PDE5A: variants seen among roughly 807,000 people sequenced by gnomAD.
PDE5A encodes cGMP-specific 3',5'-cyclic phosphodiesterase.
PDE5A carries 67 observed loss-of-function variants against 110.2 expected under a neutral mutation model. The ratio of observed to expected loss-of-function variants is 0.61; its 90% CI spans 0.50 to 0.75. The LOEUF is 0.75. Among genes scored for constraint, PDE5A ranks in the 30% least tolerant of loss-of-function variants. The probability of loss-of-function intolerance (pLI) is 0.00; values close to 1 mark genes in which losing one functional copy is unlikely to be tolerated. For synonymous variants in PDE5A, 328 were observed against 351.2 expected (o/e 0.93, Z 0.74); for missense variants, 862 against 1,045.1 (o/e 0.82, Z 2.42).
intron 1 of PDE5A, among the ~76,000 whole-genome samples, chr4:119,615,493 A>G (rs763825751): frequency 3.7e-4 from 57 of 152,082 alleles, no homozygotes; most frequent in Non-Finnish European, 6.2e-4. Context: ...ATACAAGCCC[A>G]CAGGTTGAGG....
intron 5 of PDE5A, among the ~76,000 whole-genome samples, chr4:119,564,324 T>C (rs1168659560): frequency 6.6e-6 from 1 of 152,130 alleles, no homozygotes; most frequent in Non-Finnish European, 1.5e-5. Context: ...ACAATACATA[T>C]TTTCATACAT....
intron 4 of PDE5A, among the ~76,000 whole-genome samples, chr4:119,565,697 T>C (rs1484269052): frequency 6.6e-6 from 1 of 152,020 alleles, no homozygotes; most frequent in African/African-American, 2.4e-5. Flanking sequence ...CAAAATTTGG[T>C]TTAGCCTCTC....
chr4:119,585,490 G>T (rs1401806995), intron 3 of PDE5A, among the ~76,000 whole-genome samples: 1 of 151,898 alleles, frequency 6.6e-6, no homozygotes, highest in Non-Finnish European at 1.5e-5. Flanking sequence ...ACATTTTTTA[G>T]TACATGAAAG....
rs1322176519 is a variant in PDE5A at position 119,628,705 on chromosome 4, A to G, written c.-34T>C. 1.9e-6 allele frequency: 3 copies of G among 1,605,730 alleles called. No homozygotes were observed. In the African/African-American group the frequency reaches 4.0e-5, roughly 21 times the overall value. The stretch of plus-strand genomic sequence containing the variant: ...CCGCGCGCCTCGGAGGCTCTCTGGT[A>G]CTGCTTTTCCACCCCAGCTGGGGTC... On this transcript the variant is annotated 5_prime_UTR_variant, in exon 1 of 21. Coordinates refer to ENST00000354960, the MANE Select transcript of PDE5A (RefSeq NM_001083.4).
chr4:119,513,747 GGGCT>G (rs1296524709), intron 14 of PDE5A, among the ~76,000 whole-genome samples: 1 of 152,128 alleles, frequency 6.6e-6, no homozygotes, highest in Non-Finnish European at 1.5e-5. Context: ...ACCCACTTAG[GGGCT>G]GGACTACGAA....
In PDE5A at chr4:119,599,898, C is replaced by G. The variant is rs553674110; in HGVS notation, c.742-3286G>C. Among the ~76,000 whole-genome samples the G allele has an allele frequency of 3.6e-3, 542 of 152,000 alleles. 4 individuals are homozygous for G. The highest frequency in any genetic ancestry group is 5.9e-3 in the Non-Finnish European group (398 of 67,924). ...TGAAACATATAAGTTGAAAATGATA[C>G]AAAGGATGGCTGACCTCTCCCAAGA... On this transcript the variant is annotated intron_variant, in intron 2 of 20. Transcript: ENST00000354960.
intron 13 of PDE5A, 121 bp downstream of exon 13, chr4:119,520,814 A>G (rs1726100342): frequency 1.2e-6 from 1 of 800,266 alleles, no homozygotes; most frequent in African/African-American, 1.8e-5. Flanking sequence ...TTATTATGTA[A>G]GTGGCAGCAA....
At position 119,504,548 on chromosome 4, in the gene PDE5A, A is replaced by T. The variant is rs201670596; in HGVS notation, c.2319T>A (p.Pro773=). The T allele has an allele frequency of 1.2e-6, 2 of 1,611,546 alleles. No homozygotes were observed. The highest frequency in any genetic ancestry group is 1.3e-5 in the African/African-American group (1 of 74,924). Residue 773 remains proline (P), a synonymous_variant, in exon 18 of 21, where the codon CCT becomes CCA. Transcript: ENST00000354960. ...CTAAGTAACATACCCGTTGTTGAAT[A>T]GGCCAGGGTTTTGTAATTGCAGAAA... is the stretch of plus-strand genomic sequence containing the variant. ...CDLSAITKPW[P]IQQRIAELVA...
chr4:119,521,077 A>G lies in PDE5A; in HGVS notation c.1780-17T>C. On this transcript the variant is annotated splice_polypyrimidine_tract_variant and intron_variant, in intron 12 of 20. Coordinates refer to ENST00000354960, the MANE Select transcript of PDE5A (RefSeq NM_001083.4). Reference sequence around the variant, plus strand: ...GCAAAGAACCTTTAGGGAATAAAACATAAGTAGTAACAATAATTGCCAACA... The same window carrying G: ...GCAAAGAACCTTTAGGGAATAAAACGTAAGTAGTAACAATAATTGCCAACA... The G allele has an allele frequency of 3.1e-6, 5 of 1,607,662 alleles. No homozygotes were observed. The highest frequency in any genetic ancestry group is 4.3e-6 in the Non-Finnish European group (5 of 1,176,018).
chr4:119,536,545 G>C (rs146269989), intron 11 of PDE5A, among the ~76,000 whole-genome samples: 1 of 152,104 alleles, frequency 6.6e-6, no homozygotes, highest in African/African-American at 2.4e-5. Context: ...TTCAAATACT[G>C]TCATCAACAT....
chr4:119,599,741 A>ACACG (rs1259062447), intron 2 of PDE5A, among the ~76,000 whole-genome samples: 1 of 151,710 alleles, frequency 6.6e-6, no homozygotes, highest in African/African-American at 2.4e-5. Flanking sequence ...ACACACACAC[A>ACACG]CACACACATA....
intron 2 of PDE5A, among the ~76,000 whole-genome samples, chr4:119,597,029 T>TA (rs984234026): frequency 6.6e-6 from 1 of 152,160 alleles, no homozygotes; most frequent in African/African-American, 2.4e-5. Flanking sequence ...AGGGCTCTTT[T>TA]ACAGTTCTTC....
At position 119,615,460 on chromosome 4, in the gene PDE5A, G is replaced by C. The variant is rs1729903886; in HGVS notation, c.153-8163C>G. ...GCCAAGAGAATCAGAAAAAGGATGA[G>C]AGTAAAAAGGTTGTTTTTGGTGATA... On this transcript the variant is annotated intron_variant, in intron 1 of 20. Coordinates refer to ENST00000354960, the MANE Select transcript of PDE5A (RefSeq NM_001083.4). Among the ~76,000 whole-genome samples the C allele has an allele frequency of 8.5e-5, 13 of 152,110 alleles. No homozygotes were observed. In the South Asian group the frequency reaches 2.5e-3, roughly 29 times the overall value.
rs566524291 is a variant in PDE5A, at chr4:119,627,845, G to A, written c.152+675C>T. On this transcript the variant is annotated intron_variant, in intron 1 of 20. Coordinates refer to ENST00000354960, the MANE Select transcript of PDE5A (RefSeq NM_001083.4). This position sits in a 1 kb window ranked among gnomAD's most constrained non-coding sequence, Gnocchi z 4.6. The stretch of plus-strand genomic sequence containing the variant: ...CTGCCCCTTGGGGTCCGCTCCAGGC[G>A]GCGCCTCCCCTGCGCCCTTTGTGTG... The A allele has an allele frequency of 1.5e-3, 253 of 166,616 alleles. No homozygotes were observed. The highest frequency in any genetic ancestry group is 5.9e-3 in the African/African-American group (246 of 41,838). 10.3% of individuals were successfully genotyped at this position (166,616 alleles called of 1,614,324 possible).
chr4:119,551,282 C>A (rs779688065), intron 9 of PDE5A, among the ~76,000 whole-genome samples: 3 of 152,154 alleles, frequency 2.0e-5, no homozygotes, highest in Non-Finnish European at 4.4e-5. Context: ...CCAGTTCATA[C>A]AATAAGAAAC....
chr4:119,507,858 A>G (rs937079134), intron 15 of PDE5A, among the ~76,000 whole-genome samples, 154 bp from the exon 16 acceptor site: 14 of 151,896 alleles, frequency 9.2e-5, no homozygotes, highest in Non-Finnish European at 2.1e-4. Flanking sequence ...TTTCCCCTCT[A>G]TGTTCCCACC....
In PDE5A at chr4:119,606,685, C is replaced by T. The variant is rs553265532; in HGVS notation, c.741+24G>A. 25 of 1,575,500 alleles carry T rather than the reference C, an allele frequency of 1.6e-5. No homozygotes were observed. In the South Asian group the frequency reaches 2.5e-4, roughly 16 times the overall value. On this transcript the variant is annotated intron_variant, in intron 2 of 20. Transcript: ENST00000354960. ...CATAGTCCCCTCCCCAGCACTGGTCCTGCTCTCATGCTCCCCTGTTTACCT... is the reference window on the plus strand; with the variant it reads ...CATAGTCCCCTCCCCAGCACTGGTCTTGCTCTCATGCTCCCCTGTTTACCT...
intron 3 of PDE5A, among the ~76,000 whole-genome samples, chr4:119,595,882 C>G (rs1429300694): frequency 6.6e-6 from 1 of 152,158 alleles, no homozygotes; most frequent in Non-Finnish European, 1.5e-5. Context: ...ATCTTTTAGA[C>G]TTCTCCAGTT....
intron 9 of PDE5A, among the ~76,000 whole-genome samples, chr4:119,543,448 C>T (rs1727020538): frequency 6.6e-6 from 1 of 152,078 alleles, no homozygotes; most frequent in Non-Finnish European, 1.5e-5. Context: ...AAACTTCTAC[C>T]ATGTGCCCAC....
Sources: allele counts gnomAD v4.1 joint callset (sites outside exome capture counted in the v4.1 genomes callset), GRCh38; gene constraint gnomAD v4.1.1; non-coding constraint Gnocchi (gnomAD v3.1); transcripts MANE v1.5; gene names NCBI Gene and HGNC (gene_info 2026-07-23, HGNC 2026-07-21).